Variants in TMEM132D observed in about 807,000 individuals in gnomAD.
TMEM132D encodes the protein transmembrane protein 132D, also known as mature OL transmembrane protein.
In TMEM132D, 21 loss-of-function variants were observed where a neutral mutation model predicts 62.3. That is an observed-to-expected ratio of 0.34 (90% CI 0.24 to 0.49). The LOEUF is 0.49. TMEM132D is among the 20% of genes least tolerant of loss of function. The pLI, the probability that TMEM132D is intolerant of heterozygous loss-of-function variation, is 0.99. For synonymous variants in TMEM132D, 621 were observed against 575.6 expected, an observed-to-expected ratio of 1.08 and a Z score of -1.13; for missense variants, 1,346 against 1,402.8, an observed-to-expected ratio of 0.96 and a Z score of 0.65.
intron 1 of TMEM132D, among the ~76,000 whole-genome samples, chr12:129,822,180 A>C (rs1872556613): frequency 6.6e-6 from 1 of 152,104 alleles, no homozygotes; most frequent in African/African-American, 2.4e-5. Flanking sequence ...GACCAGGGGC[A>C]CCGTCTCTGA....
chr12:129,743,364 G>T (rs1363580870), intron 1 of TMEM132D, among the ~76,000 whole-genome samples: 1 of 152,122 alleles, frequency 6.6e-6, no homozygotes, highest in Non-Finnish European at 1.5e-5. Context: ...GCTGCTGTTC[G>T]CACGATAGTA....
intron 4 of TMEM132D, among the ~76,000 whole-genome samples, chr12:129,251,645 G>A (rs1010023358): frequency 6.6e-6 from 1 of 152,128 alleles, no homozygotes; most frequent in Non-Finnish European, 1.5e-5. Flanking sequence ...TTTTGACAAC[G>A]TATGGCTCTC....
chr12:129,229,647 T>C (rs565580155), intron 4 of TMEM132D, among the ~76,000 whole-genome samples: 9 of 152,330 alleles, frequency 5.9e-5, no homozygotes, highest in African/African-American at 1.9e-4. Flanking sequence ...TCAATTGGTA[T>C]GGAAAGGACA....
intron 1 of TMEM132D, among the ~76,000 whole-genome samples, chr12:129,790,185 C>T (rs1167981979): frequency 1.3e-5 from 2 of 152,126 alleles, no homozygotes; most frequent in Non-Finnish European, 2.9e-5. Flanking sequence ...TGTGGCCCCG[C>T]GGCAGCATCT....
rs1437334365 is a variant in TMEM132D at position 129,356,925 on chromosome 12, G to A, written c.1116-19108C>T. Among the ~76,000 whole-genome samples the A allele has an allele frequency of 3.8e-5, 5 of 132,706 alleles. No homozygotes were observed. In the East Asian group the frequency reaches 1.1e-3, roughly 30 times the overall value. 87.1% of individuals were successfully genotyped at this position (132,706 alleles called of 152,430 possible). ...GAAAGGAAAGGTAAGGAAAGGAGAG[G>A]AGAGGAGAGGGGAGGGGAGGGGAGG... On this transcript the variant is annotated intron_variant, in intron 3 of 8. Transcript: ENST00000422113.
At chr12:129,117,657 G>A (rs1157087649) in intron 5 of TMEM132D, among the ~76,000 whole-genome samples, 1 of 151,990 alleles carries the variant, frequency 6.6e-6, no homozygotes, top group East Asian at 1.9e-4. Flanking sequence ...CCCTGCCCTG[G>A]GTATTCTAAC....
intron 3 of TMEM132D, among the ~76,000 whole-genome samples, chr12:129,428,821 G>A (rs1225030175): frequency 6.6e-6 from 1 of 152,218 alleles, no homozygotes; most frequent in African/African-American, 2.4e-5. Context: ...TGAGCGAGAG[G>A]GGACCAGGGA....
chr12:129,372,942 G>T lies in TMEM132D; in HGVS notation c.1116-35125C>A, dbSNP rs571489546. Reference sequence around the variant, plus strand: ...GGAAAAATTGTCTTCCACGAAACTGGTTCCTGGTGCGGTTCCTGGGGACTG... The same window carrying T: ...GGAAAAATTGTCTTCCACGAAACTGTTTCCTGGTGCGGTTCCTGGGGACTG... On this transcript the variant is annotated intron_variant, in intron 3 of 8. Transcript: ENST00000422113. Among the ~76,000 whole-genome samples, 4 of 152,224 alleles carry T rather than the reference G, an allele frequency of 2.6e-5. No individual in the cohort carries two copies. The East Asian group carries it at 5.8e-4, about 22-fold the overall frequency.
intron 3 of TMEM132D, among the ~76,000 whole-genome samples, chr12:129,356,187 C>G (rs1221310424): frequency 5.4e-5 from 1 of 18,640 alleles, no homozygotes; most frequent in Non-Finnish European, 1.0e-4. Context: ...GACGGAGTCT[C>G]GCTCTGTCGC....
At chr12:129,194,531 G>A (rs1221181142) in intron 5 of TMEM132D, among the ~76,000 whole-genome samples, 1 of 152,164 alleles carries the variant, frequency 6.6e-6, no homozygotes, top group Non-Finnish European at 1.5e-5. Flanking sequence ...CCTGGCTGAT[G>A]AAATAATCTG....
At chr12:129,466,295 T>G (rs1333938801) in intron 3 of TMEM132D, among the ~76,000 whole-genome samples, 1 of 4,650 alleles carries the variant, frequency 2.2e-4, no homozygotes, top group Non-Finnish European at 6.7e-4. Flanking sequence ...TTTTTTTTTT[T>G]TTTTTTTTTT....
At chr12:129,602,900 G>A (rs1180677411) in intron 2 of TMEM132D, among the ~76,000 whole-genome samples, 2 of 152,166 alleles carry the variant, frequency 1.3e-5, no homozygotes, top group African/African-American at 4.8e-5. Context: ...AAGCAAACAC[G>A]ATGGAGAGGT....
intron 2 of TMEM132D, among the ~76,000 whole-genome samples, chr12:129,694,542 G>T (rs1478778073): frequency 6.6e-6 from 1 of 152,138 alleles, no homozygotes; most frequent in African/African-American, 2.4e-5. Context: ...CGGAGTATGC[G>T]CCTGTAACAG....
intron 4 of TMEM132D, among the ~76,000 whole-genome samples, chr12:129,336,804 C>T (rs956423441): frequency 1.3e-5 from 2 of 152,104 alleles, no homozygotes; most frequent in Non-Finnish European, 2.9e-5. Context: ...GGGCCTGGGC[C>T]GAGGGCAGCA....
intron 2 of TMEM132D, among the ~76,000 whole-genome samples, chr12:129,626,259 C>G (rs1879210548): frequency 6.6e-6 from 1 of 152,156 alleles, no homozygotes. Flanking sequence ...TTAATGCTAA[C>G]TTGTTTGTTT....
intron 4 of TMEM132D, among the ~76,000 whole-genome samples, chr12:129,303,837 G>A (rs1466455098): frequency 1.3e-5 from 2 of 152,012 alleles, no homozygotes; most frequent in African/African-American, 4.8e-5. Flanking sequence ...TGGGTTGAGG[G>A]GGCGGGTTGA....
chr12:129,881,107 GA>G (rs997639906), intron 1 of TMEM132D, among the ~76,000 whole-genome samples: 2 of 151,818 alleles, frequency 1.3e-5, no homozygotes, highest in African/African-American at 4.8e-5. Flanking sequence ...TAACACTGGG[GA>G]AAAAGGATAT....
intron 2 of TMEM132D, among the ~76,000 whole-genome samples, chr12:129,558,806 C>T (rs1030973226): frequency 6.6e-6 from 1 of 152,184 alleles, no homozygotes; most frequent in African/African-American, 2.4e-5. Context: ...GACAGCATAG[C>T]CTCAACTCAA....
At chr12:129,091,786 C>T (rs1020467786) in intron 5 of TMEM132D, among the ~76,000 whole-genome samples, 18 of 152,210 alleles carry the variant, frequency 1.2e-4, no homozygotes, top group Admixed American at 9.2e-4. Flanking sequence ...GTGGACCTGG[C>T]CCCAACTCCA....
Sources: gnomAD v4.1 joint callset for allele counts (sites outside exome capture counted in the v4.1 genomes callset) on GRCh38, gnomAD v4.1.1 for gene constraint, MANE v1.5 for transcripts, NCBI Gene and HGNC (gene_info 2026-07-23, HGNC 2026-07-21) for gene names.